The following PREX1 variants were observed in gnomAD, a reference collection of about 807,000 sequenced individuals.
PREX1 encodes phosphatidylinositol 3,4,5-trisphosphate-dependent Rac exchanger 1 protein.
In PREX1, 41 loss-of-function variants were observed where a neutral mutation model predicts 198.3. The observed-to-expected ratio is 0.21, with a 90% CI of 0.16 to 0.27. The LOEUF (loss-of-function observed/expected upper bound fraction) is 0.27, where lower values mean the gene tolerates loss of function less well. Among genes scored for constraint, PREX1 ranks in the 10% least tolerant of loss-of-function variants. The pLI is 1.00. For synonymous variants in PREX1, 843 were observed against 887.2 expected (o/e 0.95, Z 0.89); for missense variants, 1,620 against 2,200.7 (o/e 0.74, Z 5.28).
chr20:48,636,755 C>G, intron 31 of PREX1, 72 bp from the exon 32 acceptor site: 1 of 1,408,832 alleles, frequency 7.1e-7, no homozygotes, highest in South Asian at 1.3e-5. Flanking sequence ...CCCCCAAAAC[C>G]CTGGGTCCAG....
the PREX1 span, among the ~76,000 whole-genome samples, chr20:48,841,967 T>G: frequency 6.6e-6 from 1 of 152,166 alleles, no homozygotes; most frequent in African/African-American, 2.4e-5. Context: ...CCCAGTATTT[T>G]TATTTGTCCC....
Position 48,649,431 on chromosome 20 carries a change from A to T in PREX1, c.3174T>A (p.Gly1058=). Residue 1058 remains glycine, a synonymous_variant, in exon 25 of 40, where the codon GGT becomes GGA. Transcript: ENST00000371941. ...GGAAGCTGAGGCCCCGGTCTTCCTG[A>T]CCAAGGGTCCCACTGGCTGGCCCGA... ...GSFGPASGTL[G]QEDRGLSFLL... is the part of the protein sequence containing the mutation. The T allele has an allele frequency of 1.9e-6, 3 of 1,614,126 alleles. No homozygotes were observed. The highest frequency in any genetic ancestry group is 2.5e-6 in the Non-Finnish European group (3 of 1,180,004).
intron 21 of PREX1, among the ~76,000 whole-genome samples, chr20:48,651,846 TG>T (rs1177153298): frequency 3.3e-5 from 5 of 152,256 alleles, no homozygotes; most frequent in Admixed American, 6.5e-5. Flanking sequence ...TCTTCTCATC[TG>T]GGGGAATAGC....
rs139242385 is a variant in PREX1, at chr20:48,644,116, T to C, written c.3601+293A>G. On this transcript the variant is annotated intron_variant, in intron 27 of 39. Transcript: ENST00000371941. ...TTCATCGAACATGAAGTACACAGAA[T>C]TGAACCGTGCATGCTTCCATTTGCT... Among the ~76,000 whole-genome samples, 498 of 152,330 alleles carry C rather than the reference T, an allele frequency of 3.3e-3. 1 individual carries two copies. Among genetic ancestry groups the C allele is most frequent in the African/African-American group, 0.012 (479 of 41,570 alleles).
intron 1 of PREX1, among the ~76,000 whole-genome samples, chr20:48,815,839 G>C (rs2090456470): frequency 6.6e-6 from 1 of 152,056 alleles, no homozygotes; most frequent in Non-Finnish European, 1.5e-5. Flanking sequence ...GCGAAACCCT[G>C]TCTCTACTAA....
At chr20:48,637,900 G>T (rs2089377735) in intron 30 of PREX1, 148 bp from the exon 31 acceptor site, 2 of 655,398 alleles carry the variant, frequency 3.1e-6, no homozygotes, top group African/African-American at 1.8e-5. Context: ...TGCTCAAGGA[G>T]GTTTTATTGA....
chr20:48,869,719 T>C, the PREX1 span, among the ~76,000 whole-genome samples: 1 of 152,164 alleles, frequency 6.6e-6, no homozygotes, highest in Non-Finnish European at 1.5e-5. Flanking sequence ...CTGGAAGCTA[T>C]CATCCTCAGC....
the PREX1 span, among the ~76,000 whole-genome samples, chr20:48,871,595 T>C: frequency 3.3e-5 from 1 of 30,088 alleles, no homozygotes; most frequent in Admixed American, 4.1e-4. Flanking sequence ...CCATATTTAC[T>C]TCTGTTCTTT....
intron 7 of PREX1, among the ~76,000 whole-genome samples, chr20:48,694,940 G>A (rs948798158): frequency 1.3e-5 from 2 of 151,492 alleles, no homozygotes; most frequent in African/African-American, 4.9e-5. Context: ...AAAGGATGAG[G>A]GTGTGTATGT....
the PREX1 span, among the ~76,000 whole-genome samples, chr20:48,859,892 C>G: frequency 1.3e-5 from 2 of 152,212 alleles, no homozygotes; most frequent in African/African-American, 4.8e-5. Flanking sequence ...GTGGCGCATG[C>G]TTGTAATCCC....
chr20:48,727,315 C>T (rs73911658), intron 4 of PREX1, among the ~76,000 whole-genome samples: 10,973 of 152,084 alleles, frequency 0.072, 462 homozygotes, highest in Middle Eastern at 0.14. Context: ...ATACCGTTAC[C>T]CTAACTCCCA....
chr20:48,880,767 A>G, the PREX1 span, among the ~76,000 whole-genome samples: 1 of 152,058 alleles, frequency 6.6e-6, no homozygotes, highest in African/African-American at 2.4e-5. Context: ...AAGAAGGGCA[A>G]ATGGATAATA....
At chr20:48,650,353 C>G (rs547112122) in intron 23 of PREX1, 147 bp from the exon 24 acceptor site, 1 of 840,432 alleles carries the variant, frequency 1.2e-6, no homozygotes, top group African/African-American at 1.7e-5. Context: ...AAGGGGAACC[C>G]CTGGACTGTG....
Position 48,708,254 on chromosome 20 carries a change from A to G in PREX1, c.783+6T>C, listed in dbSNP as rs760239483. 1 of 1,613,648 alleles carries G rather than the reference A, an allele frequency of 6.2e-7. No individual in the cohort carries two copies. ...CCCAGGAAGCCCCCTCCTGTCCTGT[A>G]CACACCTCCCAGCCTTCGATGTGGG... On this transcript the variant is annotated splice_donor_region_variant and intron_variant, in intron 6 of 39. Coordinates refer to ENST00000371941, the MANE Select transcript of PREX1 (RefSeq NM_020820.4).
At chr20:48,676,129 C>CA (rs1432285043) in intron 14 of PREX1, 64 bp downstream of exon 14, 1 of 1,494,682 alleles carries the variant, frequency 6.7e-7, no homozygotes, top group Non-Finnish European at 9.3e-7. Flanking sequence ...TTAAACAAAA[C>CA]AGAAAGCCCC....
At chr20:48,861,128 A>G in the PREX1 span, among the ~76,000 whole-genome samples, 4,098 of 152,212 alleles carry the variant, frequency 0.027, 207 homozygotes, top group African/African-American at 0.094. Flanking sequence ...AATAGCCTGG[A>G]GCAGATCTTT....
At chr20:48,850,846 C>T in the PREX1 span, among the ~76,000 whole-genome samples, 1 of 152,138 alleles carries the variant, frequency 6.6e-6, no homozygotes, top group African/African-American at 2.4e-5. Flanking sequence ...TGGCAAACTC[C>T]TCTTCATCTT....
intron 1 of PREX1, among the ~76,000 whole-genome samples, chr20:48,824,079 G>A (rs185353080): frequency 2.0e-5 from 3 of 152,154 alleles, no homozygotes; most frequent in South Asian, 2.1e-4. Context: ...CAGAGCACAC[G>A]GGGAGTACCC....
chr20:48,736,687 A>C (rs1184857897), intron 3 of PREX1, among the ~76,000 whole-genome samples: 1 of 152,248 alleles, frequency 6.6e-6, no homozygotes, highest in African/African-American at 2.4e-5. Context: ...ACCTGGAACC[A>C]GGATTTCAGC....
Sources: gnomAD v4.1 joint callset for allele counts (sites outside exome capture counted in the v4.1 genomes callset) on GRCh38, gnomAD v4.1.1 for gene constraint, MANE v1.5 for transcripts, NCBI Gene and HGNC (gene_info 2026-07-23, HGNC 2026-07-21) for gene names.